The following PATJ variants were observed in gnomAD, a reference collection of about 807,000 sequenced individuals.
The protein encoded by PATJ is PATJ crumbs cell polarity complex component, also known as inaD-like protein.
PATJ carries 190 observed loss-of-function variants against 224.9 expected under a neutral mutation model. That is an observed-to-expected ratio of 0.84 (90% confidence interval 0.75 to 0.95). PATJ has a LOEUF of 0.95. Ranked by LOEUF, PATJ falls within the 40% of genes least tolerant of loss-of-function variation. PATJ has a pLI of 0.00. For missense variants in PATJ, 2,121 were observed against 2,270.3 expected (o/e 0.93, Z 1.34); for synonymous variants, 769 against 820.3 (o/e 0.94, Z 1.07).
chr1:61,958,886 G>A (rs929998571), intron 27 of PATJ, among the ~76,000 whole-genome samples: 16 of 152,268 alleles, frequency 1.1e-4, no homozygotes, highest in African/African-American at 3.4e-4. Context: ...TTTAGGGGGA[G>A]TGGATGTTCT....
rs567843521 is a variant in PATJ, at chr1:62,018,475, T to C, written c.3959+528T>C. On this transcript the variant is annotated intron_variant, in intron 29 of 43. Coordinates refer to ENST00000642238, the MANE Select transcript of PATJ (RefSeq NM_001350145.3). The surrounding 1 kb of genome is among the most constrained non-coding windows in gnomAD (Gnocchi z 4.2). The stretch of plus-strand genomic sequence containing the variant: ...TCCCTGCAAGCTGATTGAGCCCTCA[T>C]GGTACAAGTAAATCAGAATTAGGAA... 6.6e-5 allele frequency among the ~76,000 whole-genome samples: 10 copies of C among 152,222 alleles called. No homozygotes were observed. Among genetic ancestry groups the C allele is most frequent in the African/African-American group, 2.2e-4 (9 of 41,464 alleles).
At chr1:61,813,776 G>A (rs1208935383) in intron 14 of PATJ, among the ~76,000 whole-genome samples, 2 of 152,088 alleles carry the variant, frequency 1.3e-5, no homozygotes, top group African/African-American at 4.8e-5. Context: ...GTTTAAGAAA[G>A]TAACATTTGA....
At chr1:61,802,323 C>G (rs1187177632) in intron 12 of PATJ, among the ~76,000 whole-genome samples, 2 of 152,216 alleles carry the variant, frequency 1.3e-5, no homozygotes, top group East Asian at 3.8e-4. Flanking sequence ...AAACTCCTGG[C>G]TTCAAGTGAT....
chr1:61,828,453 G>A (rs1658707152), intron 16 of PATJ, among the ~76,000 whole-genome samples: 1 of 143,478 alleles, frequency 7.0e-6, no homozygotes, highest in African/African-American at 2.6e-5. Flanking sequence ...ACAGTGTTTT[G>A]AACATGGCTC....
chr1:62,124,479 T>C (rs1470483836), intron 39 of PATJ, among the ~76,000 whole-genome samples: 1 of 152,230 alleles, frequency 6.6e-6, no homozygotes, highest in Non-Finnish European at 1.5e-5. Flanking sequence ...TGCAGTAAAG[T>C]GATATCCAGC....
intron 30 of PATJ, among the ~76,000 whole-genome samples, chr1:62,049,371 A>G (rs1218859867): frequency 6.6e-6 from 1 of 151,882 alleles, no homozygotes; most frequent in Non-Finnish European, 1.5e-5. Flanking sequence ...ACCAATATTG[A>G]ATGTTCTTTT....
At chr1:61,910,068 A>G (rs193244291) in intron 25 of PATJ, among the ~76,000 whole-genome samples, 1 of 152,238 alleles carries the variant, frequency 6.6e-6, no homozygotes, top group South Asian at 2.1e-4. Context: ...TAATTCTTAC[A>G]ATATTGAGAA....
chr1:62,126,779 A>G (rs1665761607), intron 39 of PATJ, among the ~76,000 whole-genome samples: 1 of 152,222 alleles, frequency 6.6e-6, no homozygotes. Flanking sequence ...ATATGAGAAC[A>G]TACTTGCCAA....
intron 21 of PATJ, among the ~76,000 whole-genome samples, chr1:61,883,027 A>G (rs1668314480): frequency 7.2e-5 from 11 of 151,822 alleles, no homozygotes; most frequent in Admixed American, 7.2e-4. Flanking sequence ...ACCCACACAC[A>G]TGTCTATATA....
intron 27 of PATJ, among the ~76,000 whole-genome samples, chr1:61,946,203 A>G (rs1678676078): frequency 1.3e-5 from 2 of 152,146 alleles, no homozygotes; most frequent in African/African-American, 4.8e-5. Flanking sequence ...AGAAGGCAAG[A>G]AATAACTAAG....
intron 31 of PATJ, chr1:62,073,365 G>A (rs1657762658): frequency 3.2e-5 from 31 of 977,516 alleles, no homozygotes; most frequent in Non-Finnish European, 3.8e-5. Context: ...GCTCATGCTT[G>A]TAATCCCACC....
At chr1:62,123,435 A>G (rs1384183565) in intron 39 of PATJ, among the ~76,000 whole-genome samples, 1 of 147,156 alleles carries the variant, frequency 6.8e-6, no homozygotes, top group Non-Finnish European at 1.5e-5. Flanking sequence ...TATCGATTTC[A>G]TAGTACTCCA....
At chr1:62,153,608 A>G in intron 43 of PATJ, 127 bp downstream of exon 43, 1 of 501,022 alleles carries the variant, frequency 2.0e-6, no homozygotes, top group Non-Finnish European at 3.1e-6. Context: ...TTTCATTTGA[A>G]TCTTATAGGA....
chr1:61,751,160 C>A (rs1645301751), intron 1 of PATJ, among the ~76,000 whole-genome samples: 1 of 152,010 alleles, frequency 6.6e-6, no homozygotes, highest in South Asian at 2.1e-4. Context: ...CACAATGACA[C>A]CTGGCTAATT....
chr1:61,911,219 T>C (rs1352097529), intron 25 of PATJ, among the ~76,000 whole-genome samples: 1 of 152,110 alleles, frequency 6.6e-6, no homozygotes, highest in Non-Finnish European at 1.5e-5. Context: ...GTTTTTTGTT[T>C]GTTTGTTTGT....
chr1:61,886,178 TAA>T (rs995660014), intron 22 of PATJ, among the ~76,000 whole-genome samples: 85 of 141,364 alleles, frequency 6.0e-4, no homozygotes, highest in Non-Finnish European at 1.1e-3. Flanking sequence ...AAAGTATAAT[TAA>T]AAAAAAAAAG....
At chr1:61,903,111 G>T (rs1381766266) in intron 24 of PATJ, among the ~76,000 whole-genome samples, 1 of 152,162 alleles carries the variant, frequency 6.6e-6, no homozygotes, top group Non-Finnish European at 1.5e-5. Context: ...TCTGAACGCA[G>T]CGGAGAGTCA....
At chr1:61,809,566 C>T (rs11207842) in intron 14 of PATJ, among the ~76,000 whole-genome samples, 76,034 of 151,268 alleles carry the variant, frequency 0.5, 19,283 homozygotes, top group South Asian at 0.63. Context: ...TTTGTATTTT[C>T]AGTAGAGACG....
chr1:62,055,470 T>C (rs749832203), intron 31 of PATJ, among the ~76,000 whole-genome samples: 2 of 152,258 alleles, frequency 1.3e-5, no homozygotes, highest in African/African-American at 2.4e-5. Flanking sequence ...CTAACAATTA[T>C]AACCTTAGAG....
Sources: allele counts gnomAD v4.1 joint callset (sites outside exome capture counted in the v4.1 genomes callset), GRCh38; gene constraint gnomAD v4.1.1; non-coding constraint Gnocchi (gnomAD v3.1); transcripts MANE v1.5; gene names NCBI Gene and HGNC (gene_info 2026-07-23, HGNC 2026-07-21).